The following COL23A1 variants were observed in gnomAD, a reference collection of about 807,000 sequenced individuals.
COL23A1 encodes collagen alpha-1(XXIII) chain.
A neutral mutation model predicts 99.3 loss-of-function variants in COL23A1; 97 were observed. The ratio of observed to expected loss-of-function variants is 0.98; its 90% CI spans 0.83 to 1.16. The LOEUF (loss-of-function observed/expected upper bound fraction) is 1.16, where lower values mean the gene tolerates loss of function less well. COL23A1 is among the 50% of genes most tolerant of loss of function. The probability of loss-of-function intolerance (pLI) is 0.00; values close to 1 mark genes in which losing one functional copy is unlikely to be tolerated. For synonymous variants in COL23A1, 320 were observed against 308.2 expected (o/e 1.04, Z -0.40); for missense variants, 762 against 757.4 (o/e 1.01, Z -0.07).
chr5:178,581,967 G>C (rs895790539), intron 1 of COL23A1, among the ~76,000 whole-genome samples: 1 of 152,056 alleles, frequency 6.6e-6, no homozygotes, highest in African/African-American at 2.4e-5. Context: ...AACAGCCCTT[G>C]GTTTAGGATG....
intron 1 of COL23A1, among the ~76,000 whole-genome samples, chr5:178,585,752 T>TGATGCTGGG (rs1763961689): frequency 1.8e-4 from 1 of 5,498 alleles, no homozygotes; most frequent in Non-Finnish European, 7.9e-4. Context: ...CTGACCCTGT[T>TGATGCTGGG]GGTTGCTCCC....
intron 10 of COL23A1, 119 bp downstream of exon 10, chr5:178,262,098 G>T: frequency 9.2e-7 from 1 of 1,089,782 alleles, no homozygotes; most frequent in Non-Finnish European, 1.4e-6. Flanking sequence ...GCAGAGGCGC[G>T]CGCACACACA....
chr5:178,385,259 A>T (rs962676073), intron 2 of COL23A1, among the ~76,000 whole-genome samples: 1 of 151,508 alleles, frequency 6.6e-6, no homozygotes, highest in African/African-American at 2.4e-5. Context: ...GGTTGCGGGG[A>T]CCCCTCTGAG....
At position 178,249,985 on chromosome 5, in the gene COL23A1, G is replaced by GCACACA. The variant is rs5873601; in HGVS notation, c.1059+70_1059+75dup. 441 of 1,307,912 alleles carry GCACACA rather than the reference G, an allele frequency of 3.4e-4. No homozygotes were observed. The African/African-American group carries it at 4.7e-3, about 14-fold the overall frequency. 81.0% of individuals were successfully genotyped at this position (1,307,912 alleles called of 1,614,324 possible). A position where few individuals can be genotyped will look rare whatever the true frequency, so the allele number is the denominator to read the frequency against. On this transcript the variant is annotated intron_variant, in intron 18 of 28. Transcript: ENST00000390654. ...TCTAACTCTGTGCACACATGCACAC[G>GCACACA]CACACACACACACACACACACACAG... is the stretch of plus-strand genomic sequence containing the variant.
In COL23A1 at chr5:178,501,600, A is replaced by T. The variant is rs567433710; in HGVS notation, c.361+59082T>A. ...AAAAAAAAAAAAAAAGTCCCAGCAAAAGCCTGCTCTTTCTAGCCAAAGGAC... is the reference window on the plus strand; with the variant it reads ...AAAAAAAAAAAAAAAGTCCCAGCAATAGCCTGCTCTTTCTAGCCAAAGGAC... On this transcript the variant is annotated intron_variant, in intron 2 of 28. Transcript: ENST00000390654. Among the ~76,000 whole-genome samples, 109 of 152,050 alleles carry T rather than the reference A, an allele frequency of 7.2e-4. 1 individual carries two copies. Among genetic ancestry groups the T allele is most frequent in the African/African-American group, 2.5e-3 (102 of 41,498 alleles).
intron 13 of COL23A1, 75 bp from the exon 14 acceptor site, chr5:178,257,003 CG>C (rs1162607770): frequency 8.4e-6 from 12 of 1,427,248 alleles, no homozygotes; most frequent in Admixed American, 1.9e-5. Context: ...GGGCGTGCCT[CG>C]GGGTTGCCTG....
rs570287064 is a variant in COL23A1 at position 178,363,713 on chromosome 5, C to T, written c.362-56794G>A. Among the ~76,000 whole-genome samples, 461 of 152,282 alleles carry T rather than the reference C, an allele frequency of 3.0e-3. 3 individuals carry two copies. Among genetic ancestry groups the T allele is most frequent in the Non-Finnish European group, 2.9e-3 (197 of 68,022 alleles). The stretch of plus-strand genomic sequence containing the variant: ...TCACCTCCCCACCGGCTGTGGGTGT[C>T]GGCTGCAGGTCTGACACTGGCTCAC... On this transcript the variant is annotated intron_variant, in intron 2 of 28. Transcript: ENST00000390654.
At chr5:178,244,623 G>A (rs945783137) in intron 25 of COL23A1, among the ~76,000 whole-genome samples, 19 of 152,184 alleles carry the variant, frequency 1.2e-4, no homozygotes, top group Non-Finnish European at 1.0e-4. Flanking sequence ...TCACCACCAC[G>A]TGGAACTTGA....
In COL23A1 at chr5:178,487,620, G is replaced by A. The variant is rs142975304; in HGVS notation, c.361+73062C>T. Among the ~76,000 whole-genome samples, 8 of 152,266 alleles carry A rather than the reference G, an allele frequency of 5.3e-5. No individual in the cohort carries two copies. The East Asian group carries it at 7.7e-4, about 15-fold the overall frequency. On this transcript the variant is annotated intron_variant, in intron 2 of 28. Coordinates refer to ENST00000390654, the MANE Select transcript of COL23A1 (RefSeq NM_173465.4). ...AAGGTTCCCAATGTGATGCCTGTCCGGGGAATGACTCCGGAGAGTCCTGGG... is the reference window on the plus strand; with the variant it reads ...AAGGTTCCCAATGTGATGCCTGTCCAGGGAATGACTCCGGAGAGTCCTGGG...
In COL23A1 at chr5:178,298,772, G is replaced by C. The variant is rs575170445; in HGVS notation, c.406+8103C>G. On this transcript the variant is annotated intron_variant, in intron 3 of 28. Transcript: ENST00000390654. ...TCCCTAAAGGAGCAGAATGGGCCAG[G>C]CTAGTCTCGAACTCCTGACCTCAAG... 2.0e-5 allele frequency among the ~76,000 whole-genome samples: 3 copies of C among 152,348 alleles called. No homozygotes were observed. The South Asian group carries it at 6.2e-4, about 32-fold the overall frequency.
chr5:178,267,401 AT>A, intron 7 of COL23A1, 68 bp from the exon 8 acceptor site: 2 of 1,530,800 alleles, frequency 1.3e-6, no homozygotes, highest in Non-Finnish European at 9.0e-7. Flanking sequence ...CCCGTCGGGC[AT>A]CTGTGCCCAG....
In COL23A1 at chr5:178,542,268, G is replaced by A. The variant is rs558578064; in HGVS notation, c.361+18414C>T. On this transcript the variant is annotated intron_variant, in intron 2 of 28. Transcript: ENST00000390654. ...GGGGTTTTGCCACGTTGGCCAGGCT[G>A]GTCTCGCCCGCCTCAGCCTCCCAAA... Among the ~76,000 whole-genome samples the A allele has an allele frequency of 2.6e-5, 4 of 152,232 alleles. No individual in the cohort carries two copies. In the South Asian group the frequency reaches 8.3e-4, roughly 32 times the overall value.
chr5:178,565,960 A>T, intron 1 of COL23A1, among the ~76,000 whole-genome samples: 1 of 137,666 alleles, frequency 7.3e-6, no homozygotes, highest in East Asian at 2.0e-4. Flanking sequence ...TAAAAAAAAT[A>T]CAAAAAAAAA....
chr5:178,461,992 G>A (rs1455861346), intron 2 of COL23A1, among the ~76,000 whole-genome samples: 1 of 152,176 alleles, frequency 6.6e-6, no homozygotes, highest in Non-Finnish European at 1.5e-5. Context: ...GCAATCAGAC[G>A]GTGCACTGCA....
At chr5:178,542,930 T>C (rs548506895) in intron 2 of COL23A1, among the ~76,000 whole-genome samples, 36 of 152,348 alleles carry the variant, frequency 2.4e-4, no homozygotes, top group African/African-American at 8.7e-4. Flanking sequence ...GTGTATCATA[T>C]GTTAAAGCAC....
At chr5:178,294,855 A>G (rs1757657690) in intron 3 of COL23A1, among the ~76,000 whole-genome samples, 1 of 152,196 alleles carries the variant, frequency 6.6e-6, no homozygotes, top group Non-Finnish European at 1.5e-5. Flanking sequence ...TCAAAGGCCA[A>G]CCTAGGCCGT....
intron 3 of COL23A1, among the ~76,000 whole-genome samples, chr5:178,300,397 G>C (rs1757968611): frequency 6.6e-6 from 1 of 152,094 alleles, no homozygotes; most frequent in Non-Finnish European, 1.5e-5. Flanking sequence ...GCCAGGTATA[G>C]ATTTCTTTGT....
intron 2 of COL23A1, among the ~76,000 whole-genome samples, chr5:178,379,754 G>A (rs1199612388): frequency 6.6e-6 from 1 of 152,018 alleles, no homozygotes; most frequent in Non-Finnish European, 1.5e-5. Flanking sequence ...AGTGGTGCAT[G>A]CCTGTAATCC....
chr5:178,421,666 C>T lies in COL23A1; in HGVS notation c.362-114747G>A, dbSNP rs183215977. On this transcript the variant is annotated intron_variant, in intron 2 of 28. Transcript: ENST00000390654. ...GGCAGATCACCGGAGGTCAGAAGTT[C>T]GAGACCAGCCTGGCCAACATGGTGA... 1.1e-3 allele frequency among the ~76,000 whole-genome samples: 174 copies of T among 152,192 alleles called. 1 individual carries two copies. The highest frequency in any genetic ancestry group is 4.0e-3 in the African/African-American group (166 of 41,516).
Sources: gnomAD v4.1 joint callset for allele counts (sites outside exome capture counted in the v4.1 genomes callset) on GRCh38, gnomAD v4.1.1 for gene constraint, MANE v1.5 for transcripts, NCBI Gene and HGNC (gene_info 2026-07-23, HGNC 2026-07-21) for gene names.